CCSER2: variants seen among roughly 807,000 people sequenced by gnomAD.
CCSER2 encodes coiled-coil serine rich protein 2.
In CCSER2, 46 loss-of-function variants were observed where a neutral mutation model predicts 92.3. The observed-to-expected ratio is 0.50, with a 90% confidence interval of 0.39 to 0.64. CCSER2 has a LOEUF of 0.64. Among genes scored for constraint, CCSER2 ranks in the 30% least tolerant of loss-of-function variants. The pLI, the probability that CCSER2 is intolerant of heterozygous loss-of-function variation, is 0.00. For synonymous variants in CCSER2, 433 were observed against 431.4 expected, an observed-to-expected ratio of 1.00 and a Z score of -0.04; for missense variants, 1,244 against 1,238.9, an observed-to-expected ratio of 1.00 and a Z score of -0.06.
chr10:84,511,180 T>C (rs1849330340), intron 9 of CCSER2, among the ~76,000 whole-genome samples: 1 of 152,236 alleles, frequency 6.6e-6, no homozygotes, highest in African/African-American at 2.4e-5. Context: ...TGTTATTCTT[T>C]AAAAACTGGA....
chr10:84,384,498 C>T (rs767153412), intron 3 of CCSER2, among the ~76,000 whole-genome samples: 3 of 152,112 alleles, frequency 2.0e-5, no homozygotes, highest in Non-Finnish European at 2.9e-5. Flanking sequence ...ATGTGACCCA[C>T]CACATAAACA....
chr10:84,482,207 G>T (rs576907813), intron 9 of CCSER2, among the ~76,000 whole-genome samples: 2 of 152,086 alleles, frequency 1.3e-5, no homozygotes, highest in Non-Finnish European at 2.9e-5. Flanking sequence ...AGAATGAGCC[G>T]TAAGAGCAGA....
At chr10:84,413,840 A>C (rs1440911102) in intron 3 of CCSER2, among the ~76,000 whole-genome samples, 1 of 152,186 alleles carries the variant, frequency 6.6e-6, no homozygotes, top group Non-Finnish European at 1.5e-5. Context: ...TGTTGGCTGC[A>C]TATATATTTA....
At chr10:84,355,966 A>G (rs1249633259) in intron 1 of CCSER2, among the ~76,000 whole-genome samples, 4 of 151,870 alleles carry the variant, frequency 2.6e-5, no homozygotes, top group Admixed American at 6.6e-5. Flanking sequence ...AGCTGGATGT[A>G]GTGGCGGGCG....
At chr10:84,509,378 C>G (rs921862201) in intron 9 of CCSER2, among the ~76,000 whole-genome samples, 1 of 152,002 alleles carries the variant, frequency 6.6e-6, no homozygotes, top group Admixed American at 6.6e-5. Flanking sequence ...CCAACTATAA[C>G]GAAAAATGAA....
At chr10:84,472,720 G>C (rs1356415281) in intron 8 of CCSER2, among the ~76,000 whole-genome samples, 1 of 152,140 alleles carries the variant, frequency 6.6e-6, no homozygotes, top group Admixed American at 6.6e-5. Context: ...AATAATGAAA[G>C]ATGAATCTTT....
intron 6 of CCSER2, among the ~76,000 whole-genome samples, chr10:84,446,334 G>C (rs887885524): frequency 1.1e-4 from 16 of 152,138 alleles, no homozygotes; most frequent in Admixed American, 7.9e-4. Context: ...CAAATGTTTA[G>C]TTTCATTATT....
intron 3 of CCSER2, among the ~76,000 whole-genome samples, chr10:84,387,384 T>G (rs1027768005): frequency 1.3e-5 from 2 of 152,164 alleles, no homozygotes; most frequent in Non-Finnish European, 2.9e-5. Context: ...TGTGTTTAGG[T>G]GCTCGATAAA....
At position 84,387,406 on chromosome 10, in the gene CCSER2, C is replaced by T. The variant is rs181288085; in HGVS notation, c.1614+13591C>T. On this transcript the variant is annotated intron_variant, in intron 3 of 9. Transcript: ENST00000372088. ...AGGTGCTCGATAAATGGCTCTTTCC[C>T]GTTAGAATTAATTACTCCTTTCTTC... 3.9e-5 allele frequency among the ~76,000 whole-genome samples: 6 copies of T among 152,268 alleles called. No individual in the cohort carries two copies. In the East Asian group the frequency reaches 9.6e-4, roughly 24 times the overall value.
At chr10:84,367,863 CTG>C (rs1395228642) in intron 1 of CCSER2, among the ~76,000 whole-genome samples, 1 of 152,030 alleles carries the variant, frequency 6.6e-6, no homozygotes, top group East Asian at 1.9e-4. Context: ...TTACAAGAAA[CTG>C]TTTATATGAT....
intron 6 of CCSER2, among the ~76,000 whole-genome samples, chr10:84,457,990 G>A (rs987153122): frequency 9.2e-5 from 14 of 151,704 alleles, no homozygotes; most frequent in East Asian, 5.8e-4. Context: ...CAGGTGATCC[G>A]CCTGCTTCGG....
intron 1 of CCSER2, among the ~76,000 whole-genome samples, chr10:84,353,158 A>G (rs2133077984): frequency 1.3e-5 from 2 of 152,296 alleles, no homozygotes; most frequent in East Asian, 3.9e-4. Flanking sequence ...AAAATTAGTT[A>G]TCGTTAAGGG....
intron 9 of CCSER2, chr10:84,507,379 A>G (rs1038128256): frequency 3.2e-6 from 3 of 943,048 alleles, no homozygotes; most frequent in Non-Finnish European, 3.8e-6. Flanking sequence ...CCTCATAATC[A>G]CTTTTTTTGG....
At chr10:84,416,961 C>G (rs1842919744) in intron 3 of CCSER2, among the ~76,000 whole-genome samples, 1 of 152,156 alleles carries the variant, frequency 6.6e-6, no homozygotes, top group Non-Finnish European at 1.5e-5. Context: ...ACCATGATGT[C>G]TCAGTCTTTT....
At position 84,516,419 on chromosome 10, in the gene CCSER2, G is replaced by C. The variant is rs548347808; in HGVS notation, c.*2152G>C. The stretch of plus-strand genomic sequence containing the variant: ...GAGATGACCCATGATGGCTGCAGTT[G>C]TAAGTGGGCATACATGTTCTATCAT... On this transcript the variant is annotated 3_prime_UTR_variant, in exon 10 of 10. Coordinates refer to ENST00000372088, the MANE Select transcript of CCSER2 (RefSeq NM_001284240.2). 2 of 152,318 alleles carry C rather than the reference G, an allele frequency of 1.3e-5. No homozygotes were observed. Among genetic ancestry groups the C allele is most frequent in the Admixed American group, 1.3e-4 (2 of 15,306 alleles). The allele number at this position is 152,318 out of a possible 1,614,324, so 9.4% of individuals were successfully genotyped here. A position where few individuals can be genotyped will look rare whatever the true frequency, so the allele number is the denominator to read the frequency against.
chr10:84,468,063 C>T (rs1243422123), intron 7 of CCSER2, among the ~76,000 whole-genome samples: 1 of 152,194 alleles, frequency 6.6e-6, no homozygotes, highest in African/African-American at 2.4e-5. Flanking sequence ...TCTCTGTGAT[C>T]TGGCCCTTGC....
At chr10:84,471,413 A>G (rs1446529433) in intron 8 of CCSER2, among the ~76,000 whole-genome samples, 1 of 152,156 alleles carries the variant, frequency 6.6e-6, no homozygotes, top group Non-Finnish European at 1.5e-5. Context: ...GGGAGAAGAA[A>G]AAAGACAACA....
intron 6 of CCSER2, among the ~76,000 whole-genome samples, chr10:84,457,334 A>AT (rs1564685165): frequency 6.5e-5 from 3 of 46,280 alleles, no homozygotes; most frequent in South Asian, 6.6e-4. Context: ...TATATAATAT[A>AT]TTATATATTA....
intron 1 of CCSER2, among the ~76,000 whole-genome samples, chr10:84,333,547 T>C (rs1187811390): frequency 1.3e-5 from 2 of 152,342 alleles, no homozygotes; most frequent in East Asian, 3.9e-4. Context: ...GGACTTCATT[T>C]CTTAGACATT....
Sources: allele counts gnomAD v4.1 joint callset (sites outside exome capture counted in the v4.1 genomes callset), GRCh38; gene constraint gnomAD v4.1.1; transcripts MANE v1.5; gene names NCBI Gene and HGNC (gene_info 2026-07-23, HGNC 2026-07-21).